DMRT1: variants seen among roughly 807,000 people sequenced by gnomAD.
DMRT1 encodes doublesex- and mab-3-related transcription factor 1.
In DMRT1, 7 loss-of-function variants were observed where a neutral mutation model predicts 32.3. The observed-to-expected ratio is 0.22, with a 90% confidence interval of 0.12 to 0.41. DMRT1 has a LOEUF of 0.41. DMRT1 is among the 10% of genes least tolerant of loss of function. DMRT1 has a pLI of 1.00. For synonymous variants in DMRT1, 278 were observed against 206.1 expected, an observed-to-expected ratio of 1.35 and a Z score of -2.99; for missense variants, 625 against 500.5, an observed-to-expected ratio of 1.25 and a Z score of -2.37.
intron 2 of DMRT1, among the ~76,000 whole-genome samples, chr9:863,185 G>T (rs1815800403): frequency 6.6e-6 from 1 of 151,346 alleles, no homozygotes; most frequent in African/African-American, 2.4e-5. Context: ...AGGTGTGGGG[G>T]TGGCTGCTTT....
At chr9:936,560 T>C (rs1027292902) in intron 4 of DMRT1, among the ~76,000 whole-genome samples, 33 of 152,220 alleles carry the variant, frequency 2.2e-4, no homozygotes, top group Middle Eastern at 3.4e-3. Context: ...GAGACCAGCC[T>C]GGCCAACATG....
chr9:879,450 T>A (rs1391626840), intron 2 of DMRT1, among the ~76,000 whole-genome samples: 1 of 152,198 alleles, frequency 6.6e-6, no homozygotes, highest in African/African-American at 2.4e-5. Flanking sequence ...TTTGGCTTAA[T>A]AGGATGTAGG....
At chr9:911,800 C>T (rs376660386) in intron 3 of DMRT1, among the ~76,000 whole-genome samples, 3 of 152,100 alleles carry the variant, frequency 2.0e-5, no homozygotes, top group Non-Finnish European at 4.4e-5. Flanking sequence ...CCATGAATTG[C>T]AGTTTTAACA....
intron 4 of DMRT1, among the ~76,000 whole-genome samples, chr9:934,076 C>A (rs1818810109): frequency 6.6e-6 from 1 of 151,878 alleles, no homozygotes; most frequent in Non-Finnish European, 1.5e-5. Context: ...CTTGGTTGAT[C>A]TCAGTCCAAG....
chr9:883,019 G>A (rs563787675), intron 2 of DMRT1, among the ~76,000 whole-genome samples: 8 of 151,654 alleles, frequency 5.3e-5, no homozygotes, highest in East Asian at 3.9e-4. Flanking sequence ...TGATCCTCCC[G>A]CCTCGGCCTC....
At position 892,084 on chromosome 9, in the gene DMRT1, A is replaced by T. The variant is rs180740614; in HGVS notation, c.539-1828A>T. Among the ~76,000 whole-genome samples the T allele has an allele frequency of 5.7e-4, 87 of 152,268 alleles. No homozygotes were observed. The East Asian group carries it at 0.015, about 27-fold the overall frequency. On this transcript the variant is annotated intron_variant, in intron 2 of 4. Coordinates refer to ENST00000382276, the MANE Select transcript of DMRT1 (RefSeq NM_021951.3). ...GCTCCTTGCTCTCTTGCAGGCCTGCATCTGCTCCTTTCATCATGGTTAAAA... is the reference window on the plus strand; with the variant it reads ...GCTCCTTGCTCTCTTGCAGGCCTGCTTCTGCTCCTTTCATCATGGTTAAAA...
intron 4 of DMRT1, among the ~76,000 whole-genome samples, chr9:929,084 C>G (rs982688049): frequency 6.6e-6 from 1 of 152,082 alleles, no homozygotes; most frequent in African/African-American, 2.4e-5. Context: ...AGTGATCTGC[C>G]TGCCTCACCC....
chr9:866,757 G>C (rs1381703656), intron 2 of DMRT1, among the ~76,000 whole-genome samples: 1 of 152,150 alleles, frequency 6.6e-6, no homozygotes, highest in Non-Finnish European at 1.5e-5. Context: ...TCCCACCCCA[G>C]GAGCTGCTAC....
At position 856,727 on chromosome 9, in the gene DMRT1, A is replaced by G. The variant is rs186490763; in HGVS notation, c.538+9584A>G. 1.4e-3 allele frequency among the ~76,000 whole-genome samples: 206 copies of G among 152,266 alleles called. 4 individuals carry two copies. The highest frequency in any genetic ancestry group is 2.6e-4 in the Non-Finnish European group (18 of 68,030). On this transcript the variant is annotated intron_variant, in intron 2 of 4. Coordinates refer to ENST00000382276, the MANE Select transcript of DMRT1 (RefSeq NM_021951.3). ...TGTGCAAGAGTTTTTGAATGAATGTATGTTTCATTCTCTTGGGTATATACC... is the reference window on the plus strand; with the variant it reads ...TGTGCAAGAGTTTTTGAATGAATGTGTGTTTCATTCTCTTGGGTATATACC...
At chr9:936,884 A>G (rs1818904866) in intron 4 of DMRT1, among the ~76,000 whole-genome samples, 1 of 152,198 alleles carries the variant, frequency 6.6e-6, no homozygotes, top group Non-Finnish European at 1.5e-5. Flanking sequence ...TAAGCATACA[A>G]TTCAGTAGCG....
intron 4 of DMRT1, among the ~76,000 whole-genome samples, chr9:948,783 C>T (rs1016979733): frequency 5.3e-5 from 8 of 151,928 alleles, no homozygotes; most frequent in African/African-American, 1.9e-4. Flanking sequence ...CAGGCTGGCG[C>T]GGTAGCTTAT....
rs912788872 is a variant in DMRT1, at chr9:932,315, A to T, written c.967+15408A>T. 2.0e-5 allele frequency among the ~76,000 whole-genome samples: 3 copies of T among 152,324 alleles called. No homozygotes were observed. The East Asian group carries it at 5.8e-4, about 29-fold the overall frequency. On this transcript the variant is annotated intron_variant, in intron 4 of 4. Transcript: ENST00000382276. ...GAGACTTTGCCAGTTTTCCTGGCAG[A>T]TACAGCAGAATTTGGGCCTCCACAC...
At chr9:964,666 A>C (rs1819876883) in intron 4 of DMRT1, among the ~76,000 whole-genome samples, 2 of 151,942 alleles carry the variant, frequency 1.3e-5, no homozygotes, top group South Asian at 4.2e-4. Flanking sequence ...AGCTGGCCCC[A>C]ACTCCCTTCC....
intron 2 of DMRT1, among the ~76,000 whole-genome samples, chr9:891,988 A>G (rs1200734679): frequency 6.6e-6 from 1 of 152,248 alleles, no homozygotes; most frequent in East Asian, 1.9e-4. Flanking sequence ...GCTGGATCTC[A>G]CGTCCTGGTA....
At chr9:872,418 C>T (rs6477322) in intron 2 of DMRT1, among the ~76,000 whole-genome samples, 20,078 of 152,160 alleles carry the variant, frequency 0.13, 1,462 homozygotes, top group Middle Eastern at 0.19. Flanking sequence ...TAAACATCAC[C>T]ACTATCAAAT....
intron 4 of DMRT1, among the ~76,000 whole-genome samples, chr9:942,096 T>C (rs1485350184): frequency 1.3e-5 from 2 of 152,216 alleles, no homozygotes; most frequent in Non-Finnish European, 2.9e-5. Flanking sequence ...GACATAGGTA[T>C]GACAACATCT....
intron 4 of DMRT1, among the ~76,000 whole-genome samples, chr9:967,452 G>A (rs1164766166): frequency 6.6e-6 from 1 of 152,134 alleles, no homozygotes; most frequent in Non-Finnish European, 1.5e-5. Context: ...AGTTATGTAT[G>A]CTGACATCCC....
At chr9:864,172 G>A (rs1815854391) in intron 2 of DMRT1, among the ~76,000 whole-genome samples, 1 of 150,646 alleles carries the variant, frequency 6.6e-6, no homozygotes, top group Admixed American at 6.6e-5. Flanking sequence ...AAACCAATGT[G>A]TTATTTGTAT....
At chr9:956,584 A>C (rs902834247) in intron 4 of DMRT1, among the ~76,000 whole-genome samples, 4 of 151,238 alleles carry the variant, frequency 2.6e-5, no homozygotes, top group Admixed American at 6.6e-5. Flanking sequence ...AAAACAAAAA[A>C]CAAAAAACCC....
Sources: gnomAD v4.1 joint callset for allele counts (sites outside exome capture counted in the v4.1 genomes callset) on GRCh38, gnomAD v4.1.1 for gene constraint, MANE v1.5 for transcripts, NCBI Gene and HGNC (gene_info 2026-07-23, HGNC 2026-07-21) for gene names.